Variants in GALNT13 observed in about 807,000 individuals in gnomAD.
The protein encoded by GALNT13 is UDP-GalNAc:polypeptide N-acetylgalactosaminyltransferase 13.
In GALNT13, 28 loss-of-function variants were observed where a neutral mutation model predicts 64.2. The ratio of observed to expected loss-of-function variants is 0.44; its 90% confidence interval spans 0.32 to 0.60. GALNT13 has a LOEUF of 0.60. Ranked by LOEUF, GALNT13 falls within the 20% of genes least tolerant of loss-of-function variation. The pLI, the probability that GALNT13 is intolerant of heterozygous loss-of-function variation, is 0.05. For missense variants in GALNT13, 577 were observed against 669.8 expected (o/e 0.86, Z 1.53); for synonymous variants, 214 against 224.6 (o/e 0.95, Z 0.42).
the GALNT13 span, among the ~76,000 whole-genome samples, chr2:153,662,135 A>G: frequency 1.3e-5 from 2 of 152,182 alleles, no homozygotes; most frequent in South Asian, 2.1e-4. Context: ...TTCATTAAAG[A>G]GAGCTGAATA....
At chr2:153,910,107 A>G (rs1688841422) in intron 2 of GALNT13, among the ~76,000 whole-genome samples, 1 of 150,470 alleles carries the variant, frequency 6.6e-6, no homozygotes, top group Non-Finnish European at 1.5e-5. Flanking sequence ...TTACTGATTC[A>G]ATTTCAGAAT....
At chr2:153,284,028 G>A in the GALNT13 span, among the ~76,000 whole-genome samples, 2 of 152,182 alleles carry the variant, frequency 1.3e-5, no homozygotes, top group African/African-American at 4.8e-5. Context: ...ATCTGCCTGG[G>A]CGTGGAGCTG....
chr2:154,207,336 C>G (rs146541966), intron 4 of GALNT13, among the ~76,000 whole-genome samples: 3 of 152,124 alleles, frequency 2.0e-5, no homozygotes, highest in African/African-American at 7.2e-5. Context: ...TTTTGTTGCT[C>G]TCCTATTAAT....
At chr2:154,409,263 A>T (rs1699687408) in intron 11 of GALNT13, 181 bp downstream of exon 11, 1 of 593,650 alleles carries the variant, frequency 1.7e-6, no homozygotes, top group African/African-American at 1.9e-5. Flanking sequence ...AGAGCTGAAA[A>T]ATTAAAATAA....
At chr2:153,950,765 A>T (rs1033521438) in intron 3 of GALNT13, among the ~76,000 whole-genome samples, 1 of 152,084 alleles carries the variant, frequency 6.6e-6, no homozygotes, top group African/African-American at 2.4e-5. Context: ...CATCAACATG[A>T]TTGAATCTTG....
chr2:153,690,952 T>G, the GALNT13 span, among the ~76,000 whole-genome samples: 1 of 152,064 alleles, frequency 6.6e-6, no homozygotes, highest in Admixed American at 6.6e-5. Context: ...AACAATCCAT[T>G]AAGCTCTCAG....
intron 3 of GALNT13, among the ~76,000 whole-genome samples, chr2:153,958,097 T>A (rs1403814146): frequency 6.6e-6 from 1 of 152,116 alleles, no homozygotes; most frequent in East Asian, 1.9e-4. Context: ...TGACTCCTGG[T>A]GGTACTGGTT....
chr2:153,341,926 C>G, the GALNT13 span, among the ~76,000 whole-genome samples: 1 of 152,062 alleles, frequency 6.6e-6, no homozygotes, highest in Non-Finnish European at 1.5e-5. Flanking sequence ...GGTTGCAGGG[C>G]TCTGTGATAA....
intron 9 of GALNT13, among the ~76,000 whole-genome samples, chr2:154,380,456 AG>A (rs2105330617): frequency 6.6e-6 from 1 of 152,184 alleles, no homozygotes; most frequent in African/African-American, 2.4e-5. Flanking sequence ...TATTTCCAAA[AG>A]TTCAACTCTT....
At chr2:153,836,053 G>A in the GALNT13 span, among the ~76,000 whole-genome samples, 1 of 151,916 alleles carries the variant, frequency 6.6e-6, no homozygotes, top group Non-Finnish European at 1.5e-5. Context: ...AATAATTTTA[G>A]GAGTCTTTAA....
chr2:153,272,273 A>G, the GALNT13 span, among the ~76,000 whole-genome samples: 1 of 152,244 alleles, frequency 6.6e-6, no homozygotes, highest in Non-Finnish European at 1.5e-5. Flanking sequence ...GGATCTAATT[A>G]AACTAAAATG....
chr2:153,697,922 G>A, the GALNT13 span, among the ~76,000 whole-genome samples: 90 of 152,308 alleles, frequency 5.9e-4, 2 homozygotes, highest in Admixed American at 2.6e-3. Flanking sequence ...GGCCCAAGAA[G>A]AAAGTGGAGG....
the GALNT13 span, among the ~76,000 whole-genome samples, chr2:153,300,691 G>A: frequency 1.3e-5 from 2 of 152,144 alleles, no homozygotes; most frequent in Non-Finnish European, 2.9e-5. Flanking sequence ...GATAGGCACA[G>A]AGCTGTCCAA....
intron 3 of GALNT13, among the ~76,000 whole-genome samples, chr2:154,001,042 T>A (rs1476575577): frequency 2.0e-5 from 3 of 152,010 alleles, no homozygotes. Flanking sequence ...TATTATATAA[T>A]GGCTTAAGTT....
the GALNT13 span, among the ~76,000 whole-genome samples, chr2:153,795,950 T>G: frequency 1.3e-5 from 2 of 152,218 alleles, no homozygotes; most frequent in African/African-American, 4.8e-5. Context: ...TACATGCTCT[T>G]TCCTCTGTTC....
the GALNT13 span, among the ~76,000 whole-genome samples, chr2:153,403,870 T>G: frequency 6.6e-6 from 1 of 152,180 alleles, no homozygotes; most frequent in South Asian, 2.1e-4. Context: ...CAGATGGAAA[T>G]GCAGAAATCA....
At chr2:154,375,047 C>T (rs1413356725) in intron 9 of GALNT13, among the ~76,000 whole-genome samples, 3 of 152,086 alleles carry the variant, frequency 2.0e-5, no homozygotes, top group African/African-American at 4.8e-5. Context: ...AGTGCAGTGG[C>T]GCAATCTCGG....
chr2:154,430,345 T>C (rs1700655787), intron 11 of GALNT13, among the ~76,000 whole-genome samples: 1 of 152,174 alleles, frequency 6.6e-6, no homozygotes, highest in African/African-American at 2.4e-5. Context: ...CCAACCCTCT[T>C]AGATGACTTT....
chr2:153,098,556 G>A, the GALNT13 span, among the ~76,000 whole-genome samples: 5 of 152,146 alleles, frequency 3.3e-5, no homozygotes, highest in East Asian at 1.9e-4. Context: ...TATTTTTCAT[G>A]ACTTAAAAAA....
Sources: allele counts gnomAD v4.1 joint callset (sites outside exome capture counted in the v4.1 genomes callset), GRCh38; gene constraint gnomAD v4.1.1; transcripts MANE v1.5; gene names NCBI Gene and HGNC (gene_info 2026-07-23, HGNC 2026-07-21).